MCTP2: variants seen among roughly 807,000 people sequenced by gnomAD.
MCTP2 encodes multiple C2 and transmembrane domain-containing protein 2.
In MCTP2, 132 loss-of-function variants were observed where a neutral mutation model predicts 111.6. That is an observed-to-expected ratio of 1.18 (90% CI 1.03 to 1.37). MCTP2 has a LOEUF of 1.37. MCTP2 is among the 40% of genes most tolerant of loss of function. The pLI, the probability that MCTP2 is intolerant of heterozygous loss-of-function variation, is 0.00. For synonymous variants in MCTP2, 395 were observed against 387.7 expected (o/e 1.02, Z -0.22); for missense variants, 1,183 against 1,067.9 (o/e 1.11, Z -1.50).
intron 1 of MCTP2, among the ~76,000 whole-genome samples, chr15:94,279,356 G>C (rs2074367490): frequency 6.6e-6 from 1 of 151,880 alleles, no homozygotes; most frequent in African/African-American, 2.4e-5. Flanking sequence ...TCATTCCTAG[G>C]TATTTTCTTC....
chr15:94,454,837 A>G (rs1199805560), intron 19 of MCTP2, among the ~76,000 whole-genome samples: 3 of 151,984 alleles, frequency 2.0e-5, no homozygotes, highest in Non-Finnish European at 4.4e-5. Context: ...TTTTATTATT[A>G]TTAGGTGGAG....
chr15:94,285,782 A>C (rs996252663), intron 1 of MCTP2, among the ~76,000 whole-genome samples: 5 of 152,218 alleles, frequency 3.3e-5, no homozygotes, highest in African/African-American at 1.2e-4. Context: ...GGGTCTTTTC[A>C]AATGACTGAG....
rs375141812 is a variant in MCTP2 at position 94,340,897 on chromosome 15, G to T, written c.942G>T (p.Val314=). ...TGATCGTGTTAAATTTGAACCTAGTGGTAAAACAGGGTGATTTCAAGAGAC... is the reference window on the plus strand; with the variant it reads ...TGATCGTGTTAAATTTGAACCTAGTTGTAAAACAGGGTGATTTCAAGAGAC... ...MGVIVLNLNL[V]VKQGDFKRHR... Residue 314 remains valine (V), a synonymous_variant, in exon 7 of 23, where the codon GTG becomes GTT. Coordinates refer to ENST00000357742, the MANE Select transcript of MCTP2 (RefSeq NM_001385001.1). 2 of 1,609,358 alleles carry T rather than the reference G, an allele frequency of 1.2e-6. No homozygotes were observed. Among genetic ancestry groups the T allele is most frequent in the African/African-American group, 2.7e-5 (2 of 74,750 alleles).
chr15:94,257,915 T>C (rs554877722), intron 1 of MCTP2, among the ~76,000 whole-genome samples: 315 of 151,646 alleles, frequency 2.1e-3, no homozygotes, highest in African/African-American at 7.3e-3. Flanking sequence ...AATCATGCTC[T>C]GCCGCCCAGG....
intron 2 of MCTP2, among the ~76,000 whole-genome samples, chr15:94,309,084 A>C (rs977694669): frequency 6.6e-6 from 1 of 152,182 alleles, no homozygotes; most frequent in Non-Finnish European, 1.5e-5. Flanking sequence ...TGGTACAAAA[A>C]AATAAGAACA....
intron 17 of MCTP2, among the ~76,000 whole-genome samples, chr15:94,429,602 C>T (rs1332882547): frequency 6.6e-6 from 1 of 152,206 alleles, no homozygotes; most frequent in African/African-American, 2.4e-5. Context: ...GGCATTTCCT[C>T]AGGCTCTTTT....
At chr15:94,423,986 A>G (rs1396915030) in intron 17 of MCTP2, among the ~76,000 whole-genome samples, 1 of 152,144 alleles carries the variant, frequency 6.6e-6, no homozygotes, top group Non-Finnish European at 1.5e-5. Flanking sequence ...TTGTAATTGA[A>G]TCCTCCTTCC....
At chr15:94,347,026 AAG>A (rs2078022421) in intron 8 of MCTP2, among the ~76,000 whole-genome samples, 1 of 152,056 alleles carries the variant, frequency 6.6e-6, no homozygotes, top group Non-Finnish European at 1.5e-5. Context: ...TAGATAAATA[AAG>A]TTTACTTTAT....
At chr15:94,379,821 TTA>T (rs913892195) in intron 12 of MCTP2, among the ~76,000 whole-genome samples, 2 of 142,410 alleles carry the variant, frequency 1.4e-5, no homozygotes, top group South Asian at 2.1e-4. Flanking sequence ...TATGACATAA[TTA>T]TATATGACAT....
chr15:94,411,653 C>T (rs1394834050), intron 17 of MCTP2, among the ~76,000 whole-genome samples: 1 of 151,986 alleles, frequency 6.6e-6, no homozygotes, highest in East Asian at 1.9e-4. Flanking sequence ...GTTACTGCTC[C>T]CTTTATCTAG....
intron 10 of MCTP2, among the ~76,000 whole-genome samples, chr15:94,363,389 C>T (rs564040342): frequency 3.3e-5 from 5 of 152,122 alleles, no homozygotes; most frequent in South Asian, 2.1e-4. Context: ...AGAATGGAAG[C>T]GGAGGCTTCC....
chr15:94,394,505 C>A (rs112714756), intron 14 of MCTP2, among the ~76,000 whole-genome samples: 2 of 152,076 alleles, frequency 1.3e-5, no homozygotes, highest in East Asian at 3.9e-4. Context: ...GTGGCTCACA[C>A]CTGTAATCAC....
intron 8 of MCTP2, among the ~76,000 whole-genome samples, chr15:94,351,274 C>T (rs2078288661): frequency 6.6e-6 from 1 of 152,200 alleles, no homozygotes; most frequent in Non-Finnish European, 1.5e-5. Flanking sequence ...TAGAGAGGAG[C>T]TGCAGAGAAG....
intron 17 of MCTP2, among the ~76,000 whole-genome samples, chr15:94,411,396 T>C (rs369505109): frequency 1.3e-5 from 2 of 152,268 alleles, no homozygotes; most frequent in African/African-American, 4.8e-5. Flanking sequence ...AGGTGGCATG[T>C]GCTCGCCATT....
At chr15:94,236,252 G>A (rs542540814) in intron 1 of MCTP2, among the ~76,000 whole-genome samples, 2 of 151,886 alleles carry the variant, frequency 1.3e-5, no homozygotes, top group Non-Finnish European at 2.9e-5. Flanking sequence ...GGATTTGAAG[G>A]TGATGCTGTG....
At position 94,266,523 on chromosome 15, in the gene MCTP2, A is replaced by G. The variant is rs140362519; in HGVS notation, c.-65-31678A>G. On this transcript the variant is annotated intron_variant, in intron 1 of 22. Transcript: ENST00000357742. ...GTGTATTAAATTTTAGTAACAACAC[A>G]TTTTCCTCCATTTTAAAAATGAAAA... 6.7e-3 allele frequency among the ~76,000 whole-genome samples: 1,017 copies of G among 152,240 alleles called. 3 individuals are homozygous for G. The highest frequency in any genetic ancestry group is 0.023 in the African/African-American group (972 of 41,536).
At chr15:94,411,614 T>G (rs2082155185) in intron 17 of MCTP2, among the ~76,000 whole-genome samples, 1 of 152,204 alleles carries the variant, frequency 6.6e-6, no homozygotes, top group Admixed American at 6.5e-5. Context: ...CTTTTGCCAT[T>G]TGATTTATGA....
intron 19 of MCTP2, among the ~76,000 whole-genome samples, chr15:94,449,842 C>T (rs1352386093): frequency 6.6e-6 from 1 of 152,142 alleles, no homozygotes; most frequent in African/African-American, 2.4e-5. Context: ...CAGCAACTGC[C>T]ACCCCTGGTA....
At chr15:94,403,978 C>G (rs2081755497) in intron 17 of MCTP2, among the ~76,000 whole-genome samples, 1 of 152,136 alleles carries the variant, frequency 6.6e-6, no homozygotes, top group South Asian at 2.1e-4. Context: ...ATACCTACAG[C>G]CTATCATTTG....
Sources: gnomAD v4.1 joint callset for allele counts (sites outside exome capture counted in the v4.1 genomes callset) on GRCh38, gnomAD v4.1.1 for gene constraint, MANE v1.5 for transcripts, NCBI Gene and HGNC (gene_info 2026-07-23, HGNC 2026-07-21) for gene names.